MACROD2: variants seen among roughly 807,000 people sequenced by gnomAD.
MACROD2 encodes the protein ADP-ribose glycohydrolase MACROD2.
MACROD2 carries 36 observed loss-of-function variants against 70.4 expected under a neutral mutation model. The ratio of observed to expected loss-of-function variants is 0.51; its 90% CI spans 0.39 to 0.68. The LOEUF (loss-of-function observed/expected upper bound fraction) is 0.68, where lower values mean the gene tolerates loss of function less well. Ranked by LOEUF, MACROD2 falls within the 30% of genes least tolerant of loss-of-function variation. MACROD2 has a pLI of 0.00. For synonymous variants in MACROD2, 172 were observed against 178.8 expected (o/e 0.96, Z 0.30); for missense variants, 496 against 538.4 (o/e 0.92, Z 0.78).
At chr20:15,504,382 A>G (rs1444407683) in intron 8 of MACROD2, among the ~76,000 whole-genome samples, 1 of 152,212 alleles carries the variant, frequency 6.6e-6, no homozygotes, top group Non-Finnish European at 1.5e-5. Flanking sequence ...AAGAAAAGAA[A>G]AAAAGGAGCA....
chr20:14,429,320 T>A (rs2083969176), intron 3 of MACROD2, among the ~76,000 whole-genome samples: 1 of 152,168 alleles, frequency 6.6e-6, no homozygotes, highest in Non-Finnish European at 1.5e-5. Context: ...CAGTGCTTGA[T>A]AATTTCTTCC....
intron 8 of MACROD2, among the ~76,000 whole-genome samples, chr20:15,794,182 G>C (rs1404153739): frequency 6.6e-6 from 1 of 152,046 alleles, no homozygotes; most frequent in Non-Finnish European, 1.5e-5. Context: ...TAAAGATTTA[G>C]AGCAATAACA....
chr20:14,514,293 T>G (rs1283570252), intron 4 of MACROD2, among the ~76,000 whole-genome samples: 2 of 152,140 alleles, frequency 1.3e-5, no homozygotes, highest in African/African-American at 4.8e-5. Flanking sequence ...TTCCAGTTTC[T>G]CTTGCATCTA....
At chr20:14,056,090 A>G (rs1022435100) in intron 2 of MACROD2, among the ~76,000 whole-genome samples, 6 of 152,066 alleles carry the variant, frequency 3.9e-5, no homozygotes, top group Non-Finnish European at 8.8e-5. Flanking sequence ...TTATTTCATG[A>G]CTTTTTCAGT....
At chr20:15,189,026 C>T (rs1470328413) in intron 5 of MACROD2, among the ~76,000 whole-genome samples, 2 of 152,036 alleles carry the variant, frequency 1.3e-5, no homozygotes, top group Non-Finnish European at 2.9e-5. Flanking sequence ...ATTTCCTATC[C>T]CCTTTAGGGT....
intron 3 of MACROD2, among the ~76,000 whole-genome samples, chr20:14,142,623 T>C (rs929995312): frequency 1.3e-5 from 2 of 152,200 alleles, no homozygotes; most frequent in Admixed American, 1.3e-4. Context: ...ACCAAATTGA[T>C]TGCTTTAAAA....
intron 6 of MACROD2, among the ~76,000 whole-genome samples, chr20:15,358,293 AGTACAAAGTGTT>A (rs751101116): frequency 2.0e-5 from 3 of 152,182 alleles, no homozygotes; most frequent in Admixed American, 6.5e-5. Context: ...AAAAGATGTA[AGTACAAAGTGTT>A]GTAGGAATTT....
At chr20:15,979,910 G>A (rs1490416423) in intron 13 of MACROD2, among the ~76,000 whole-genome samples, 1 of 152,174 alleles carries the variant, frequency 6.6e-6, no homozygotes, top group African/African-American at 2.4e-5. Flanking sequence ...CAGACACCAA[G>A]TTGTAGAAGG....
rs377516428 is a variant in MACROD2, at chr20:14,582,238, C to T, written c.301+88730C>T. 1.8e-4 allele frequency among the ~76,000 whole-genome samples: 27 copies of T among 152,138 alleles called. No homozygotes were observed. In the South Asian group the frequency reaches 4.4e-3, roughly 25 times the overall value. On this transcript the variant is annotated intron_variant, in intron 4 of 17. Coordinates refer to ENST00000684519, the MANE Select transcript of MACROD2 (RefSeq NM_001351661.2). ...GGCATGTTTTAGTGCATGCTCCCTT[C>T]TCTATTGTGTTTTTAAAATCACGTT...
At chr20:15,663,554 G>A (rs448644) in intron 8 of MACROD2, among the ~76,000 whole-genome samples, 64,431 of 151,428 alleles carry the variant, frequency 0.43, 13,899 homozygotes, top group Non-Finnish European at 0.46. Flanking sequence ...AATTTTTTAT[G>A]TGAAAATATT....
intron 8 of MACROD2, among the ~76,000 whole-genome samples, chr20:15,600,131 T>A (rs2048799374): frequency 6.6e-6 from 1 of 152,068 alleles, no homozygotes; most frequent in Non-Finnish European, 1.5e-5. Context: ...AGCTGGCAAT[T>A]CTCCACACTC....
At chr20:15,171,346 C>G (rs999921931) in intron 5 of MACROD2, among the ~76,000 whole-genome samples, 2 of 151,172 alleles carry the variant, frequency 1.3e-5, no homozygotes, top group Non-Finnish European at 2.9e-5. Flanking sequence ...CCAAATTTGC[C>G]CCTCCATCTC....
intron 5 of MACROD2, among the ~76,000 whole-genome samples, chr20:15,208,204 A>G (rs1483884527): frequency 1.3e-5 from 2 of 151,960 alleles, no homozygotes; most frequent in South Asian, 2.1e-4. Context: ...CCATTATGCT[A>G]TTGAGTCCAG....
At chr20:14,858,541 A>G (rs2073280211) in intron 5 of MACROD2, among the ~76,000 whole-genome samples, 1 of 152,162 alleles carries the variant, frequency 6.6e-6, no homozygotes, top group South Asian at 2.1e-4. Flanking sequence ...TTGGAATGAT[A>G]CAGTTAAGGG....
intron 5 of MACROD2, among the ~76,000 whole-genome samples, chr20:14,816,008 G>A (rs1472417308): frequency 1.3e-5 from 2 of 151,914 alleles, no homozygotes; most frequent in Non-Finnish European, 2.9e-5. Flanking sequence ...AATAACTCCG[G>A]TCCCCTTAAC....
chr20:14,057,963 G>A (rs1458935328), intron 2 of MACROD2, among the ~76,000 whole-genome samples: 9 of 152,054 alleles, frequency 5.9e-5, no homozygotes, highest in South Asian at 2.1e-4. Flanking sequence ...AAATTCAAAA[G>A]CAGGCAAAAC....
intron 2 of MACROD2, chr20:14,051,710 A>C: frequency 2.8e-6 from 1 of 351,960 alleles, no homozygotes; most frequent in Non-Finnish European, 5.5e-6. Flanking sequence ...GAGAATTATA[A>C]ATTCAAAAGG....
intron 2 of MACROD2, among the ~76,000 whole-genome samples, chr20:14,063,187 T>G (rs1054990501): frequency 6.6e-6 from 1 of 152,238 alleles, no homozygotes; most frequent in Non-Finnish European, 1.5e-5. Context: ...TTTTTGTATA[T>G]CTAAGGTACT....
At chr20:14,456,347 A>T (rs1484176932) in intron 3 of MACROD2, among the ~76,000 whole-genome samples, 1 of 151,784 alleles carries the variant, frequency 6.6e-6, no homozygotes, top group African/African-American at 2.4e-5. Flanking sequence ...TATTTTTTCT[A>T]GGCTGCTTTA....
Sources: allele counts gnomAD v4.1 joint callset (sites outside exome capture counted in the v4.1 genomes callset), GRCh38; gene constraint gnomAD v4.1.1; transcripts MANE v1.5; gene names NCBI Gene and HGNC (gene_info 2026-07-23, HGNC 2026-07-21).